RPIA: variants seen among roughly 807,000 people sequenced by gnomAD.
RPIA encodes the protein ribose-5-phosphate isomerase.
Under a neutral mutation model 37.8 loss-of-function variants are expected in RPIA, and 29 were observed. That is an observed-to-expected ratio of 0.77 (90% confidence interval 0.57 to 1.05). The LOEUF (loss-of-function observed/expected upper bound fraction) is 1.05. Ranked by LOEUF, RPIA falls within the 50% of genes least tolerant of loss-of-function variation. The pLI, the probability that RPIA is intolerant of heterozygous loss-of-function variation, is 0.00. For synonymous variants in RPIA, 167 were observed against 157.0 expected, an observed-to-expected ratio of 1.06 and a Z score of -0.48; for missense variants, 385 against 413.6, an observed-to-expected ratio of 0.93 and a Z score of 0.60.
At chr2:88,736,740 C>G (rs1673320863) in intron 7 of RPIA, 64 bp downstream of exon 7, 1 of 1,556,308 alleles carries the variant, frequency 6.4e-7, no homozygotes. Flanking sequence ...TGGTGTCCTC[C>G]CTTCTGTTGC....
intron 8 of RPIA, 134 bp from the exon 9 acceptor site, chr2:88,749,847 G>T: frequency 1.5e-6 from 1 of 664,346 alleles, no homozygotes; most frequent in Non-Finnish European, 2.8e-6. Flanking sequence ...TTGCTCTGTG[G>T]GAGAAAAAGG....
chr2:88,721,570 CA>C (rs1265713504), intron 3 of RPIA, among the ~76,000 whole-genome samples: 1,090 of 22,338 alleles, frequency 0.049, 16 homozygotes, highest in East Asian at 0.14. Flanking sequence ...CACACACACA[CA>C]CCCCCCCCCC....
intron 3 of RPIA, among the ~76,000 whole-genome samples, chr2:88,714,931 A>G (rs1673013236): frequency 1.3e-5 from 2 of 152,190 alleles, no homozygotes. Flanking sequence ...GACCTTCTCT[A>G]GAGAATCAGC....
chr2:88,691,782 C>G lies in RPIA; in HGVS notation c.84C>G (p.Gly28=). 1.3e-6 allele frequency: 2 copies of G among 1,592,612 alleles called. No individual in the cohort carries two copies. The highest frequency in any genetic ancestry group is 1.7e-6 in the Non-Finnish European group (2 of 1,173,086). ...LPGRAGGAAS[G]GGGNSWDLPG... is the part of the protein sequence containing the mutation. ...GGAGGGCCGGGGGCGCGGCCTCCGGCGGAGGAGGGAACAGCTGGGACCTCC... is the reference window on the plus strand; with the variant it reads ...GGAGGGCCGGGGGCGCGGCCTCCGGGGGAGGAGGGAACAGCTGGGACCTCC... Residue 28 remains glycine, a synonymous_variant, in exon 1 of 9, where the codon GGC becomes GGG. Transcript: ENST00000283646.
chr2:88,736,486 C>G (rs780026697), intron 6 of RPIA, 49 bp from the exon 7 acceptor site: 1 of 1,608,526 alleles, frequency 6.2e-7, no homozygotes, highest in South Asian at 1.1e-5. Flanking sequence ...TTTGCCTGTA[C>G]TGTTGAGCTT....
intron 4 of RPIA, among the ~76,000 whole-genome samples, chr2:88,732,997 G>A (rs1673265321): frequency 6.6e-6 from 1 of 152,238 alleles, no homozygotes; most frequent in Non-Finnish European, 1.5e-5. Flanking sequence ...AAAAGGCACA[G>A]AGAGGGTAAG....
chr2:88,721,544 TACACACACACAC>T (rs748522109), intron 3 of RPIA, among the ~76,000 whole-genome samples: 1 of 82,932 alleles, frequency 1.2e-5, no homozygotes, highest in African/African-American at 4.8e-5. Flanking sequence ...ATATATATTA[TACACACACACAC>T]ACACACACAC....
chr2:88,698,675 G>T, intron 2 of RPIA, 131 bp downstream of exon 2: 1 of 830,730 alleles, frequency 1.2e-6, no homozygotes, highest in East Asian at 2.4e-5. Flanking sequence ...TGGAGAGAGG[G>T]ACTACCTGAG....
rs144710711 is a variant in RPIA, at chr2:88,705,411, C to T, written c.402+5347C>T. 2.9e-3 allele frequency among the ~76,000 whole-genome samples: 445 copies of T among 152,262 alleles called. 6 individuals carry two copies. Among genetic ancestry groups the T allele is most frequent in the Non-Finnish European group, 8.8e-4 (60 of 68,018 alleles). ...TAGAGATCTCAGAAATAAGACTGCA[C>T]ATCTACAATCATCTGATCTTCGACA... On this transcript the variant is annotated intron_variant, in intron 3 of 8. Coordinates refer to ENST00000283646, the MANE Select transcript of RPIA (RefSeq NM_144563.3).
chr2:88,732,728 T>TAAAAA (rs75685116), intron 4 of RPIA, among the ~76,000 whole-genome samples: 1 of 2,004 alleles, frequency 5.0e-4, no homozygotes, highest in Non-Finnish European at 8.1e-4. Flanking sequence ...TAGAGTATAA[T>TAAAAA]AAAAAAAAAA....
At chr2:88,699,011 G>C (rs1382808307) in intron 2 of RPIA, among the ~76,000 whole-genome samples, 6 of 152,206 alleles carry the variant, frequency 3.9e-5, no homozygotes, top group Non-Finnish European at 8.8e-5. Context: ...TCTATGCTTA[G>C]GAAAGACTCA....
chr2:88,709,594 A>C (rs1052609615), intron 3 of RPIA, among the ~76,000 whole-genome samples: 1 of 152,234 alleles, frequency 6.6e-6, no homozygotes, highest in African/African-American at 2.4e-5. Flanking sequence ...AGGAAATTGA[A>C]ATAAATTCCA....
At chr2:88,712,892 G>T (rs931737281) in intron 3 of RPIA, among the ~76,000 whole-genome samples, 98 of 151,050 alleles carry the variant, frequency 6.5e-4, no homozygotes, top group Admixed American at 5.3e-4. Flanking sequence ...TTTTTAGACG[G>T]TGTCTTGCTG....
At chr2:88,725,210 G>C (rs1673180444) in intron 3 of RPIA, among the ~76,000 whole-genome samples, 1 of 152,222 alleles carries the variant, frequency 6.6e-6, no homozygotes, top group Admixed American at 6.5e-5. Flanking sequence ...AGCAGATGCA[G>C]ATCTCAGTGG....
chr2:88,739,461 GA>G (rs1288856409), intron 8 of RPIA, among the ~76,000 whole-genome samples: 1 of 152,178 alleles, frequency 6.6e-6, no homozygotes, highest in Non-Finnish European at 1.5e-5. Flanking sequence ...TTGCAGAAGG[GA>G]AAGTGTTTGT....
intron 1 of RPIA, 33 bp downstream of exon 1, chr2:88,692,016 A>C: frequency 6.4e-7 from 1 of 1,554,520 alleles, no homozygotes; most frequent in Non-Finnish European, 8.7e-7. Context: ...CGCGGGGCGC[A>C]TGTCCTTGGC....
chr2:88,713,178 TG>T lies in RPIA; in HGVS notation c.402+13115del, dbSNP rs1199752513. Among the ~76,000 whole-genome samples the T allele has an allele frequency of 3.7e-5, 5 of 135,408 alleles. No homozygotes were observed. The East Asian group carries it at 8.4e-4, about 23-fold the overall frequency. The allele number at this position is 135,408 out of a possible 152,430, so 88.8% of individuals were successfully genotyped here. ...CTTTTTTTTTTTTTTTTTTTTTTTT[TG>T]AGACAGTGTCTTCTCACTGTCACCC... is the stretch of plus-strand genomic sequence containing the variant. On this transcript the variant is annotated intron_variant, in intron 3 of 8. Transcript: ENST00000283646.
intron 3 of RPIA, 114 bp from the exon 4 acceptor site, chr2:88,729,164 G>T: frequency 1.8e-6 from 2 of 1,092,502 alleles, no homozygotes; most frequent in Non-Finnish European, 2.7e-6. Context: ...GCCATGCTGG[G>T]CTTTGGGAGA....
intron 1 of RPIA, among the ~76,000 whole-genome samples, chr2:88,695,416 A>G (rs1396926450): frequency 6.6e-6 from 1 of 152,222 alleles, no homozygotes; most frequent in East Asian, 1.9e-4. Context: ...TGTCTGCTGC[A>G]GAGTAGATTG....
Sources: allele counts gnomAD v4.1 joint callset (sites outside exome capture counted in the v4.1 genomes callset), GRCh38; gene constraint gnomAD v4.1.1; transcripts MANE v1.5; gene names NCBI Gene and HGNC (gene_info 2026-07-23, HGNC 2026-07-21).